CELF2: variants seen among roughly 807,000 people sequenced by gnomAD.
The protein encoded by CELF2 is CUG triplet repeat RNA-binding protein 2.
A neutral mutation model predicts 62.6 loss-of-function variants in CELF2; 8 were observed. The ratio of observed to expected loss-of-function variants is 0.13; its 90% CI spans 0.07 to 0.23. The LOEUF (loss-of-function observed/expected upper bound fraction) is 0.23. Ranked by LOEUF, CELF2 falls within the 10% of genes least tolerant of loss-of-function variation. The probability of loss-of-function intolerance (pLI) is 1.00; values close to 1 mark genes in which losing one functional copy is unlikely to be tolerated. For synonymous variants in CELF2, 258 were observed against 250.0 expected (o/e 1.03, Z -0.30); for missense variants, 333 against 671.0 (o/e 0.50, Z 5.56).
chr10:10,688,982 C>T, the CELF2 span, among the ~76,000 whole-genome samples: 1 of 151,474 alleles, frequency 6.6e-6, no homozygotes, highest in Non-Finnish European at 1.5e-5. Context: ...CCAGGCTGGG[C>T]AACAGAACAA....
At chr10:10,712,173 A>AAAAAAAAC in the CELF2 span, among the ~76,000 whole-genome samples, 1 of 149,396 alleles carries the variant, frequency 6.7e-6, no homozygotes, top group African/African-American at 2.5e-5. Context: ...AAAAAAAAAA[A>AAAAAAAAC]CTGGAATCTC....
the CELF2 span, among the ~76,000 whole-genome samples, chr10:10,549,440 C>T: frequency 0.12 from 17,819 of 152,134 alleles, 1,365 homozygotes; most frequent in Non-Finnish European, 0.16. Context: ...CCCACCACCA[C>T]GCCTGGATAA....
chr10:11,208,998 T>G (rs574671996), intron 2 of CELF2, among the ~76,000 whole-genome samples: 4 of 152,138 alleles, frequency 2.6e-5, no homozygotes, highest in Non-Finnish European at 5.9e-5. Flanking sequence ...AGTGTTCAGT[T>G]TAAAGGCGTA....
At chr10:10,867,533 A>T (rs1428909200) in intron 1 of CELF2, among the ~76,000 whole-genome samples, 1 of 152,108 alleles carries the variant, frequency 6.6e-6, no homozygotes, top group Non-Finnish European at 1.5e-5. Flanking sequence ...TCATATCGCT[A>T]ATCTTATTGG....
the CELF2 span, among the ~76,000 whole-genome samples, chr10:10,645,941 A>C: frequency 6.6e-6 from 1 of 152,254 alleles, no homozygotes; most frequent in South Asian, 2.1e-4. Flanking sequence ...GACTGACATC[A>C]GGATGCTAAC....
rs549423371 is a variant in CELF2 at position 11,333,560 on chromosome 10, T to A, written c.*4507T>A. ...GCTAATTAAAAAAAAAATAAAATTTTAAAAAAACCTGTAGTTTCATTACCT... is the reference window on the plus strand; with the variant it reads ...GCTAATTAAAAAAAAAATAAAATTTAAAAAAAACCTGTAGTTTCATTACCT... On this transcript the variant is annotated 3_prime_UTR_variant, in exon 13 of 13. Transcript: ENST00000633077. 1.3e-4 allele frequency: 20 copies of A among 152,432 alleles called. No individual in the cohort carries two copies. Among genetic ancestry groups the A allele is most frequent in the South Asian group, 8.3e-4 (4 of 4,826 alleles). 9.4% of individuals were successfully genotyped at this position (152,432 alleles called of 1,614,324 possible). A position where few individuals can be genotyped will look rare whatever the true frequency, so the allele number is the denominator to read the frequency against.
chr10:10,881,126 T>C (rs1389402836), intron 1 of CELF2, among the ~76,000 whole-genome samples: 1 of 152,226 alleles, frequency 6.6e-6, no homozygotes, highest in East Asian at 1.9e-4. Flanking sequence ...CGTGATTCTA[T>C]GGCCTCACCT....
At chr10:10,526,549 T>C in the CELF2 span, among the ~76,000 whole-genome samples, 3 of 152,148 alleles carry the variant, frequency 2.0e-5, no homozygotes, top group Non-Finnish European at 4.4e-5. Context: ...GGCTGTAAAC[T>C]AGCCCTTAGG....
chr10:11,065,132 G>A (rs1205483351), intron 1 of CELF2, among the ~76,000 whole-genome samples: 2 of 152,230 alleles, frequency 1.3e-5, no homozygotes, highest in South Asian at 2.1e-4. Context: ...ATAACTTAAG[G>A]AGCTCACCTT....
At chr10:10,838,569 A>G in intron 1 of CELF2, among the ~76,000 whole-genome samples, 1 of 152,208 alleles carries the variant, frequency 6.6e-6, no homozygotes, top group East Asian at 1.9e-4. Context: ...ATTTATTTAT[A>G]TCAGATGAAC....
intron 7 of CELF2, among the ~76,000 whole-genome samples, chr10:11,271,179 C>G (rs1335436167): frequency 6.6e-6 from 1 of 152,208 alleles, no homozygotes; most frequent in Non-Finnish European, 1.5e-5. Context: ...AGCAGGACCT[C>G]AGGTGAAATC....
chr10:10,975,566 A>G (rs1417139658), intron 2 of CELF2, among the ~76,000 whole-genome samples: 1 of 152,258 alleles, frequency 6.6e-6, no homozygotes, highest in Non-Finnish European at 1.5e-5. Flanking sequence ...CAACTGGACC[A>G]TCTAATTCAT....
At chr10:10,572,697 T>C in the CELF2 span, among the ~76,000 whole-genome samples, 1 of 152,234 alleles carries the variant, frequency 6.6e-6, no homozygotes, top group South Asian at 2.1e-4. Flanking sequence ...TCATTCCTTT[T>C]TATGGCTGCA....
At chr10:11,099,725 A>G (rs1412821830) in intron 1 of CELF2, among the ~76,000 whole-genome samples, 1 of 152,102 alleles carries the variant, frequency 6.6e-6, no homozygotes, top group Non-Finnish European at 1.5e-5. Flanking sequence ...TTTGTGGACT[A>G]TTTTATTTCT....
At chr10:10,643,093 T>TC in the CELF2 span, among the ~76,000 whole-genome samples, 1 of 152,192 alleles carries the variant, frequency 6.6e-6, no homozygotes, top group Non-Finnish European at 1.5e-5. Flanking sequence ...ATGGCTACAC[T>TC]CCCCATCATG....
intron 4 of CELF2, among the ~76,000 whole-genome samples, chr10:11,249,939 C>T (rs1266294838): frequency 6.6e-6 from 1 of 152,200 alleles, no homozygotes; most frequent in African/African-American, 2.4e-5. Context: ...GACTGGAGAG[C>T]TGCTCTGTCC....
intron 9 of CELF2, among the ~76,000 whole-genome samples, chr10:11,289,881 A>AT (rs1327305388): frequency 6.6e-6 from 1 of 152,208 alleles, no homozygotes; most frequent in African/African-American, 2.4e-5. Context: ...AAAATAAGTC[A>AT]TTTTTTTAAA....
intron 2 of CELF2, among the ~76,000 whole-genome samples, chr10:11,187,482 A>G (rs1160139004): frequency 7.2e-5 from 11 of 152,156 alleles, no homozygotes; most frequent in Admixed American, 6.5e-4. Flanking sequence ...CACTCAGACA[A>G]GTTCTACCTT....
chr10:10,914,472 AT>A (rs570064952), intron 1 of CELF2, among the ~76,000 whole-genome samples: 2 of 152,234 alleles, frequency 1.3e-5, no homozygotes, highest in East Asian at 1.9e-4. Flanking sequence ...AAATTAAAAG[AT>A]TTTTTTTAAG....
Sources: allele counts gnomAD v4.1 joint callset (sites outside exome capture counted in the v4.1 genomes callset), GRCh38; gene constraint gnomAD v4.1.1; transcripts MANE v1.5; gene names NCBI Gene and HGNC (gene_info 2026-07-23, HGNC 2026-07-21).